Variants in ARSJ observed in about 807,000 individuals in gnomAD.
ARSJ encodes arylsulfatase family member J.
In ARSJ, 26 loss-of-function variants were observed where a neutral mutation model predicts 35.9. The ratio of observed to expected loss-of-function variants is 0.72; its 90% CI spans 0.53 to 1.00. The LOEUF (loss-of-function observed/expected upper bound fraction) is 1.00, where lower values mean the gene tolerates loss of function less well. Ranked by LOEUF, ARSJ falls within the 50% of genes least tolerant of loss-of-function variation. The pLI, the probability that ARSJ is intolerant of heterozygous loss-of-function variation, is 0.00. For synonymous variants in ARSJ, 294 were observed against 267.6 expected (o/e 1.10, Z -0.96); for missense variants, 667 against 723.6 (o/e 0.92, Z 0.90).
chr4:113,901,632 A>G lies in ARSJ; in HGVS notation c.*642T>C, dbSNP rs2099667094. The G allele has an allele frequency of 2.0e-5, 3 of 152,608 alleles. No individual in the cohort carries two copies. The South Asian group carries it at 6.2e-4, about 32-fold the overall frequency. 9.5% of individuals were successfully genotyped at this position (152,608 alleles called of 1,614,324 possible). On this transcript the variant is annotated 3_prime_UTR_variant, in exon 2 of 2. Coordinates refer to ENST00000315366, the MANE Select transcript of ARSJ (RefSeq NM_024590.4). ...GTGTGCTCAAACATTCTTATTTGCC[A>G]TTCCCTCACGCATGGTAAAATGAGG... is the stretch of plus-strand genomic sequence containing the variant.
At chr4:113,928,701 T>G (rs764556557) in intron 1 of ARSJ, among the ~76,000 whole-genome samples, 15 of 152,202 alleles carry the variant, frequency 9.9e-5, no homozygotes, top group Non-Finnish European at 2.1e-4. Context: ...ATTTACATTT[T>G]ATAGTTGAGT....
At chr4:113,931,699 T>C (rs1320154451) in intron 1 of ARSJ, among the ~76,000 whole-genome samples, 2 of 152,018 alleles carry the variant, frequency 1.3e-5, no homozygotes, top group Non-Finnish European at 2.9e-5. Context: ...TCAGGGTATT[T>C]GCAAGAAAAA....
chr4:113,917,574 C>G (rs574221592), intron 1 of ARSJ, among the ~76,000 whole-genome samples: 3 of 152,040 alleles, frequency 2.0e-5, no homozygotes, highest in Non-Finnish European at 4.4e-5. Context: ...TCATTCATCA[C>G]AATATAGTTA....
chr4:113,940,421 C>A (rs1295146877), intron 1 of ARSJ, among the ~76,000 whole-genome samples: 1 of 151,922 alleles, frequency 6.6e-6, no homozygotes, highest in Non-Finnish European at 1.5e-5. Context: ...TTCTCACTTA[C>A]AAGTGGGAGC....
At chr4:113,940,615 C>T (rs1245140638) in intron 1 of ARSJ, among the ~76,000 whole-genome samples, 1 of 150,580 alleles carries the variant, frequency 6.6e-6, no homozygotes, top group African/African-American at 2.4e-5. Context: ...TGTAACAAAT[C>T]TGCACATCCT....
intron 1 of ARSJ, among the ~76,000 whole-genome samples, chr4:113,928,739 C>T (rs542440447): frequency 1.3e-5 from 2 of 152,272 alleles, no homozygotes; most frequent in South Asian, 2.1e-4. Context: ...TTAGATCTGA[C>T]ATACAGAGAA....
chr4:113,902,050 C>G lies in ARSJ; in HGVS notation c.*224G>C, dbSNP rs948974213. The G allele has an allele frequency of 1.3e-5, 18 of 1,367,320 alleles. 1 individual carries two copies. The Middle Eastern group carries it at 1.9e-3, about 145-fold the overall frequency. The allele number at this position is 1,367,320 out of a possible 1,614,324, so 84.7% of individuals were successfully genotyped here. The stretch of plus-strand genomic sequence containing the variant: ...CTAAAGGAGCAAGAGAAATAAACAT[C>G]TCCACTCTCTCTAAGTGTGGCTTGC... On this transcript the variant is annotated 3_prime_UTR_variant, in exon 2 of 2. Coordinates refer to ENST00000315366, the MANE Select transcript of ARSJ (RefSeq NM_024590.4).
At position 113,902,296 on chromosome 4, in the gene ARSJ, T is replaced by C; in HGVS notation, c.1778A>G (p.His593Arg). The C allele has an allele frequency of 1.2e-6, 2 of 1,611,852 alleles. No individual in the cohort carries two copies. The highest frequency in any genetic ancestry group is 1.7e-5 in the Admixed American group (1 of 60,032). ...TGCTTATCCACAAGTAACACCTGAA[T>C]GGCAAGTTGAACCTGAGACTGCTTT... ...QQKAVSGSTCHSGVTCG is the reference protein window; with the variant it reads ...QQKAVSGSTCRSGVTCG Residue 593 changes from histidine (H) to arginine (R), a missense_variant, in exon 2 of 2, where the codon CAT becomes CGT. Transcript: ENST00000315366.
At chr4:113,974,767 T>C (rs1727489363) in intron 1 of ARSJ, among the ~76,000 whole-genome samples, 1 of 152,198 alleles carries the variant, frequency 6.6e-6, no homozygotes, top group South Asian at 2.1e-4. Flanking sequence ...GAGCAGTATC[T>C]ACCAAAACTG....
intron 1 of ARSJ, among the ~76,000 whole-genome samples, chr4:113,929,355 G>A (rs1165161871): frequency 6.6e-6 from 1 of 152,034 alleles, no homozygotes; most frequent in African/African-American, 2.4e-5. Context: ...CCTCAGGGGA[G>A]GCCATCACTG....
intron 1 of ARSJ, among the ~76,000 whole-genome samples, chr4:113,940,658 AT>A (rs1460493599): frequency 6.6e-6 from 1 of 151,820 alleles, no homozygotes. Flanking sequence ...AAAAAAAAAA[AT>A]GTGTATAAAG....
intron 1 of ARSJ, among the ~76,000 whole-genome samples, chr4:113,938,285 G>GA (rs2149267831): frequency 6.6e-6 from 1 of 152,176 alleles, no homozygotes; most frequent in Non-Finnish European, 1.5e-5. Flanking sequence ...CAAGCAATGG[G>GA]AAAAAGATTC....
chr4:113,950,139 C>T lies in ARSJ; in HGVS notation c.398+28298G>A, dbSNP rs557430909. 9.2e-4 allele frequency among the ~76,000 whole-genome samples: 140 copies of T among 152,180 alleles called. 1 individual carries two copies. Among genetic ancestry groups the T allele is most frequent in the African/African-American group, 2.8e-3 (117 of 41,544 alleles). Reference sequence around the variant, plus strand: ...TAAAATGTACTGAAAAGTGATTACACGGCCCTAATAATGTGGGACTGTCTG... The same window carrying T: ...TAAAATGTACTGAAAAGTGATTACATGGCCCTAATAATGTGGGACTGTCTG... On this transcript the variant is annotated intron_variant, in intron 1 of 1. Transcript: ENST00000315366.
At chr4:113,918,647 T>C (rs4410591) in intron 1 of ARSJ, among the ~76,000 whole-genome samples, 107,661 of 152,008 alleles carry the variant, frequency 0.71, 38,913 homozygotes, top group East Asian at 0.81. Context: ...AAACATTCTT[T>C]CTTTAAATTT....
Position 113,970,973 on chromosome 4 carries a change from A to T in ARSJ, c.398+7464T>A, listed in dbSNP as rs563981318. On this transcript the variant is annotated intron_variant, in intron 1 of 1. Coordinates refer to ENST00000315366, the MANE Select transcript of ARSJ (RefSeq NM_024590.4). ...CTATCTCAAAAAACAGTAAAAAAAT[A>T]AAAATAAAAAATAAAATAGAAGAGA... The T allele has an allele frequency of 3.9e-5, 6 of 152,204 alleles. No homozygotes were observed. In the East Asian group the frequency reaches 1.2e-3, roughly 29 times the overall value. The allele number at this position is 152,204 out of a possible 1,614,324, so 9.4% of individuals were successfully genotyped here. A position where few individuals can be genotyped will look rare whatever the true frequency, so the allele number is the denominator to read the frequency against.
chr4:113,903,610 A>G lies in ARSJ; in HGVS notation c.464T>C (p.Leu155Pro). 6.2e-7 allele frequency: 1 copy of G among 1,614,226 alleles called. No homozygotes were observed. The highest frequency in any genetic ancestry group is 8.5e-7 in the Non-Finnish European group (1 of 1,180,030). The change falls in exon 2 of 2, where the codon CTG (leucine) becomes CCG (proline). Residue 155 changes from leucine to proline, a missense_variant. By Grantham distance (98) the Leu-to-Pro change is moderately conservative. Transcript: ENST00000315366. ...TTTCTGAGGTAGGGTGGCATTGTCC[A>G]GAGGTAAACAGTTGGGTTGGGTAGG... is the stretch of plus-strand genomic sequence containing the variant. Reference protein sequence around the residue: ...IRPTQPNCLPLDNATLPQKLK... With the variant: ...IRPTQPNCLPPDNATLPQKLK...
intron 1 of ARSJ, among the ~76,000 whole-genome samples, chr4:113,967,243 A>G (rs527405180): frequency 7.2e-5 from 11 of 152,314 alleles, no homozygotes; most frequent in African/African-American, 2.4e-4. Flanking sequence ...AGCTTACACA[A>G]GGTAAACCTA....
chr4:113,901,119 T>C lies in ARSJ; in HGVS notation c.*1155A>G, dbSNP rs1381781887. 6.6e-6 allele frequency: 1 copy of C among 152,188 alleles called. No individual in the cohort carries two copies. The highest frequency in any genetic ancestry group is 1.5e-5 in the Non-Finnish European group (1 of 68,032). 9.4% of individuals were successfully genotyped at this position (152,188 alleles called of 1,614,324 possible). A position where few individuals can be genotyped will look rare whatever the true frequency, so the allele number is the denominator to read the frequency against. ...AATTGCCTATTAGTAAAGATTTTTATTTTTTAGGACCAATGATACAATTTT... is the reference window on the plus strand; with the variant it reads ...AATTGCCTATTAGTAAAGATTTTTACTTTTTAGGACCAATGATACAATTTT... On this transcript the variant is annotated 3_prime_UTR_variant, in exon 2 of 2. Transcript: ENST00000315366.
At chr4:113,912,230 C>T (rs1432436533) in intron 1 of ARSJ, among the ~76,000 whole-genome samples, 1 of 152,132 alleles carries the variant, frequency 6.6e-6, no homozygotes, top group African/African-American at 2.4e-5. Context: ...AAGCAAGAAG[C>T]AGCATTAAAA....
Sources: allele counts gnomAD v4.1 joint callset (sites outside exome capture counted in the v4.1 genomes callset), GRCh38; gene constraint gnomAD v4.1.1; transcripts MANE v1.5; gene names NCBI Gene and HGNC (gene_info 2026-07-23, HGNC 2026-07-21).